Variants in SOX5 observed in about 807,000 individuals in gnomAD.
The protein encoded by SOX5 is transcription factor SOX-5.
SOX5 carries 9 observed loss-of-function variants against 92.0 expected under a neutral mutation model. The observed-to-expected ratio is 0.10, with a 90% CI of 0.06 to 0.17. The LOEUF (loss-of-function observed/expected upper bound fraction) is 0.17. SOX5 is among the 10% of genes least tolerant of loss of function. The probability of loss-of-function intolerance (pLI) is 1.00; values close to 1 mark genes in which losing one functional copy is unlikely to be tolerated. For missense variants in SOX5, 642 were observed against 944.5 expected (o/e 0.68, Z 4.20); for synonymous variants, 344 against 336.3 (o/e 1.02, Z -0.25).
chr12:23,568,133 A>C (rs1480983452), intron 10 of SOX5, among the ~76,000 whole-genome samples: 1 of 152,132 alleles, frequency 6.6e-6, no homozygotes, highest in Non-Finnish European at 1.5e-5. Context: ...AAATCCAATA[A>C]CCGGTTGCCT....
At chr12:24,149,177 T>C (rs536469194) in intron 4 of SOX5, among the ~76,000 whole-genome samples, 1 of 152,126 alleles carries the variant, frequency 6.6e-6, no homozygotes, top group African/African-American at 2.4e-5. Context: ...GAGGCAAATA[T>C]TGCTTGGATA....
chr12:24,402,514 A>T (rs1247509645), intron 1 of SOX5, among the ~76,000 whole-genome samples: 1 of 152,130 alleles, frequency 6.6e-6, no homozygotes, highest in Non-Finnish European at 1.5e-5. Context: ...CTCTTGTTTT[A>T]AGAACCTGTC....
chr12:24,388,024 T>A (rs1435409046), intron 1 of SOX5, among the ~76,000 whole-genome samples: 2 of 152,160 alleles, frequency 1.3e-5, no homozygotes, highest in Non-Finnish European at 2.9e-5. Context: ...ACAATTGGTG[T>A]CAATATGCCA....
chr12:23,590,349 T>C (rs376614546), intron 9 of SOX5, among the ~76,000 whole-genome samples: 11 of 152,034 alleles, frequency 7.2e-5, no homozygotes, highest in Non-Finnish European at 1.5e-4. Flanking sequence ...ATTTTCATTC[T>C]TCTTAAATTC....
At chr12:24,190,712 C>A (rs981657022) in intron 4 of SOX5, among the ~76,000 whole-genome samples, 1 of 152,100 alleles carries the variant, frequency 6.6e-6, no homozygotes, top group African/African-American at 2.4e-5. Context: ...TGAGGACAAC[C>A]CAATATTTCA....
At chr12:23,821,654 T>C (rs750118061) in intron 3 of SOX5, among the ~76,000 whole-genome samples, 1 of 152,188 alleles carries the variant, frequency 6.6e-6, no homozygotes, top group Non-Finnish European at 1.5e-5. Context: ...TGGTTCTATT[T>C]ATGTGATGGA....
chr12:24,082,737 T>C (rs1331354084), intron 4 of SOX5, among the ~76,000 whole-genome samples: 1 of 151,876 alleles, frequency 6.6e-6, no homozygotes, highest in African/African-American at 2.4e-5. Flanking sequence ...TAATACTGTT[T>C]GATCTTTTTT....
At chr12:23,652,289 T>C (rs11047025) in intron 7 of SOX5, among the ~76,000 whole-genome samples, 5,337 of 152,160 alleles carry the variant, frequency 0.035, 162 homozygotes, top group African/African-American at 0.077. Context: ...GTTCTCCTTA[T>C]ATCTTGTTCA....
chr12:23,755,412 G>A (rs1340795267), intron 4 of SOX5, among the ~76,000 whole-genome samples: 1 of 151,380 alleles, frequency 6.6e-6, no homozygotes, highest in East Asian at 1.9e-4. Flanking sequence ...GGTATAGTGG[G>A]GTGATTCTGT....
rs561743558 is a variant in SOX5 at position 23,654,785 on chromosome 12, T to C, written c.931+10659A>G. Among the ~76,000 whole-genome samples the C allele has an allele frequency of 1.1e-4, 17 of 152,224 alleles. No individual in the cohort carries two copies. In the South Asian group the frequency reaches 3.3e-3, roughly 30 times the overall value. On this transcript the variant is annotated intron_variant, in intron 7 of 14. Transcript: ENST00000451604. The stretch of plus-strand genomic sequence containing the variant: ...TGAAACTTTTTATAAGAAATGCTAA[T>C]ATTTTGTATTAAATTTCATAGAATG...
chr12:24,558,734 T>A (rs900093207), intron 1 of SOX5, among the ~76,000 whole-genome samples: 1 of 152,160 alleles, frequency 6.6e-6, no homozygotes, highest in Non-Finnish European at 1.5e-5. Flanking sequence ...AAATATTAGG[T>A]ATGAGTGATT....
intron 3 of SOX5, among the ~76,000 whole-genome samples, chr12:23,840,181 CAACA>C (rs2096494972): frequency 6.6e-6 from 1 of 151,636 alleles, no homozygotes; most frequent in Non-Finnish European, 1.5e-5. Flanking sequence ...CATATTTCAG[CAACA>C]AACAATTGAA....
At chr12:24,228,213 T>A (rs888487110) in intron 3 of SOX5, among the ~76,000 whole-genome samples, 3 of 152,054 alleles carry the variant, frequency 2.0e-5, no homozygotes, top group Non-Finnish European at 2.9e-5. Context: ...TTCCCACCAA[T>A]CCAGGGATAA....
At chr12:23,622,701 C>T (rs2077325832) in intron 8 of SOX5, among the ~76,000 whole-genome samples, 2 of 152,072 alleles carry the variant, frequency 1.3e-5, no homozygotes, top group Admixed American at 6.6e-5. Context: ...CTTCCATAAA[C>T]TTTAATAAAA....
upstream of SOX5, among the ~76,000 whole-genome samples, chr12:23,953,081 G>C (rs1945864683): frequency 6.6e-6 from 1 of 152,006 alleles, no homozygotes; most frequent in African/African-American, 2.4e-5. Context: ...TGGTTTAATT[G>C]AATATTTTAA....
intron 1 of SOX5, among the ~76,000 whole-genome samples, chr12:24,413,090 C>G (rs917587111): frequency 6.6e-6 from 1 of 152,138 alleles, no homozygotes; most frequent in African/African-American, 2.4e-5. Flanking sequence ...CGTTGAGGTT[C>G]CTCTATATCT....
intron 8 of SOX5, among the ~76,000 whole-genome samples, chr12:23,612,477 T>C (rs1332379252): frequency 2.0e-5 from 3 of 152,128 alleles, no homozygotes; most frequent in Non-Finnish European, 4.4e-5. Flanking sequence ...AACAAATATA[T>C]AGACTTACAT....
intron 2 of SOX5, among the ~76,000 whole-genome samples, chr12:24,325,589 T>C (rs1320977247): frequency 1.3e-5 from 2 of 152,080 alleles, no homozygotes; most frequent in Non-Finnish European, 2.9e-5. Flanking sequence ...CATATACTAA[T>C]ACATAAAGAA....
intron 2 of SOX5, among the ~76,000 whole-genome samples, chr12:24,289,218 C>A (rs1946293365): frequency 1.3e-5 from 2 of 151,638 alleles, no homozygotes; most frequent in Admixed American, 1.3e-4. Context: ...GAGGAGGAGG[C>A]TGCAGTGAGC....
Sources: gnomAD v4.1 joint callset for allele counts (sites outside exome capture counted in the v4.1 genomes callset) on GRCh38, gnomAD v4.1.1 for gene constraint, MANE v1.5 for transcripts, NCBI Gene and HGNC (gene_info 2026-07-23, HGNC 2026-07-21) for gene names.